The following LYPD6B variants were observed in gnomAD, a reference collection of about 807,000 sequenced individuals.
The protein encoded by LYPD6B is LY6/PLAUR domain containing 6B.
A neutral mutation model predicts 22.8 loss-of-function variants in LYPD6B; 17 were observed. The observed-to-expected ratio is 0.75, with a 90% CI of 0.51 to 1.12. The LOEUF (loss-of-function observed/expected upper bound fraction) is 1.12. Among genes scored for constraint, LYPD6B ranks in the 50% most tolerant of loss-of-function variants. LYPD6B has a pLI of 0.00. For missense variants in LYPD6B, 221 were observed against 258.3 expected (o/e 0.86, Z 0.99); for synonymous variants, 106 against 91.6 (o/e 1.16, Z -0.90).
At chr2:149,145,917 CA>C (rs1295531118) in intron 2 of LYPD6B, among the ~76,000 whole-genome samples, 17 of 152,106 alleles carry the variant, frequency 1.1e-4, no homozygotes, top group African/African-American at 3.9e-4. Context: ...AAACAACAGG[CA>C]ACAGTTGGGA....
At chr2:149,204,238 G>A (rs189645511) in intron 3 of LYPD6B, among the ~76,000 whole-genome samples, 65 of 152,282 alleles carry the variant, frequency 4.3e-4, no homozygotes, top group East Asian at 1.9e-4. Context: ...AGGAAATTGA[G>A]GTTAATAGAG....
intron 1 of LYPD6B, among the ~76,000 whole-genome samples, chr2:149,051,607 ATTATT>A (rs1005367412): frequency 2.6e-4 from 40 of 152,226 alleles, no homozygotes; most frequent in African/African-American, 9.1e-4. Flanking sequence ...CACACCCATG[ATTATT>A]TTAATAGAAT....
intron 1 of LYPD6B, among the ~76,000 whole-genome samples, chr2:149,100,246 A>G (rs1558997078): frequency 6.6e-6 from 1 of 151,850 alleles, no homozygotes; most frequent in Non-Finnish European, 1.5e-5. Flanking sequence ...TCAGTGTTCA[A>G]AGCAGTCACT....
chr2:149,106,390 A>G (rs1559000759), intron 1 of LYPD6B, among the ~76,000 whole-genome samples: 1 of 152,138 alleles, frequency 6.6e-6, no homozygotes, highest in African/African-American at 2.4e-5. Flanking sequence ...TTTGCCAGTG[A>G]AGACATCTTG....
At chr2:149,206,758 C>T (rs1222135594) in intron 4 of LYPD6B, among the ~76,000 whole-genome samples, 1 of 152,018 alleles carries the variant, frequency 6.6e-6, no homozygotes, top group African/African-American at 2.4e-5. Flanking sequence ...TGTGTATTTA[C>T]ATATGTGATA....
intron 1 of LYPD6B, among the ~76,000 whole-genome samples, chr2:149,120,853 G>A (rs71413647): frequency 0.31 from 43,401 of 141,232 alleles, 7,140 homozygotes; most frequent in Non-Finnish European, 0.36. Context: ...GGGCAGTGGC[G>A]TGATCTCGGC....
intron 1 of LYPD6B, among the ~76,000 whole-genome samples, chr2:149,063,979 T>C (rs1684211808): frequency 6.6e-6 from 1 of 152,244 alleles, no homozygotes; most frequent in Admixed American, 6.5e-5. Context: ...CTAACTCAAA[T>C]GCAGAAGAAA....
At chr2:149,083,647 C>T (rs1019625710) in intron 1 of LYPD6B, among the ~76,000 whole-genome samples, 6 of 152,132 alleles carry the variant, frequency 3.9e-5, no homozygotes, top group East Asian at 3.9e-4. Flanking sequence ...GGTTTACAGG[C>T]GTGAGTAGAT....
intron 4 of LYPD6B, among the ~76,000 whole-genome samples, chr2:149,205,681 G>GAACAAA (rs1295956433): frequency 6.6e-6 from 1 of 152,150 alleles, no homozygotes; most frequent in Non-Finnish European, 1.5e-5. Context: ...GCATAGTAGA[G>GAACAAA]GAAATTCATT....
chr2:149,169,660 C>T (rs1030489426), intron 3 of LYPD6B, among the ~76,000 whole-genome samples: 4 of 152,178 alleles, frequency 2.6e-5, no homozygotes, highest in East Asian at 1.9e-4. Context: ...ACCTATCAGT[C>T]GATCCCTGTT....
chr2:149,207,045 G>T (rs1693548420), intron 4 of LYPD6B, among the ~76,000 whole-genome samples: 1 of 152,048 alleles, frequency 6.6e-6, no homozygotes, highest in African/African-American at 2.4e-5. Flanking sequence ...CCTGGAATTG[G>T]AATTACTAAA....
chr2:149,083,713 A>G (rs1452107187), intron 1 of LYPD6B, among the ~76,000 whole-genome samples: 1 of 152,136 alleles, frequency 6.6e-6, no homozygotes, highest in African/African-American at 2.4e-5. Context: ...TGAAGTTCGT[A>G]TGGCACGATG....
chr2:149,089,516 G>T (rs1685549514), intron 1 of LYPD6B, among the ~76,000 whole-genome samples: 2 of 152,114 alleles, frequency 1.3e-5, no homozygotes. Flanking sequence ...ATGGACAAAA[G>T]AATCTGTAAA....
At chr2:149,187,640 G>T (rs73963740) in intron 3 of LYPD6B, 8 of 949,032 alleles carry the variant, frequency 8.4e-6, no homozygotes, top group Non-Finnish European at 1.2e-5. Flanking sequence ...ACTTAAGCAG[G>T]CTTGTCCAAT....
intron 2 of LYPD6B, among the ~76,000 whole-genome samples, chr2:149,157,773 A>T (rs1463877941): frequency 6.6e-6 from 1 of 152,138 alleles, no homozygotes; most frequent in Admixed American, 6.5e-5. Flanking sequence ...CTGAGGACCT[A>T]TGTTTGCACA....
chr2:149,161,017 C>G (rs1180840866), intron 3 of LYPD6B, among the ~76,000 whole-genome samples, 182 bp downstream of exon 3: 1 of 152,190 alleles, frequency 6.6e-6, no homozygotes, highest in Non-Finnish European at 1.5e-5. Context: ...GGAAGCCTGG[C>G]TTGTGCTTAA....
At chr2:149,210,009 A>G (rs938848242) in intron 5 of LYPD6B, among the ~76,000 whole-genome samples, 8 of 152,188 alleles carry the variant, frequency 5.3e-5, no homozygotes, top group Admixed American at 4.6e-4. Flanking sequence ...TCCTTTAACA[A>G]TTTGCTTTAA....
intron 1 of LYPD6B, among the ~76,000 whole-genome samples, chr2:149,066,796 CTATT>C (rs375421002): frequency 4.9e-4 from 74 of 152,094 alleles, no homozygotes; most frequent in African/African-American, 1.7e-3. Context: ...CTCTCATCCT[CTATT>C]TATTATTCCT....
At chr2:149,174,491 G>A (rs951462995) in intron 3 of LYPD6B, among the ~76,000 whole-genome samples, 4 of 152,120 alleles carry the variant, frequency 2.6e-5, no homozygotes, top group Non-Finnish European at 5.9e-5. Context: ...TCCAGCTTTT[G>A]CCCATTCAGT....
Sources: allele counts gnomAD v4.1 joint callset (sites outside exome capture counted in the v4.1 genomes callset), GRCh38; gene constraint gnomAD v4.1.1; transcripts MANE v1.5; gene names NCBI Gene and HGNC (gene_info 2026-07-23, HGNC 2026-07-21).